Variants in PLCL1 observed in about 807,000 individuals in gnomAD.
PLCL1 encodes phospholipase C like 1 (inactive), also known as inactive phospholipase C-like protein 1.
A neutral mutation model predicts 84.4 loss-of-function variants in PLCL1; 41 were observed. The ratio of observed to expected loss-of-function variants is 0.49; its 90% CI spans 0.38 to 0.63. The LOEUF is 0.63. Ranked by LOEUF, PLCL1 falls within the 30% of genes least tolerant of loss-of-function variation. The pLI, the probability that PLCL1 is intolerant of heterozygous loss-of-function variation, is 0.00. For synonymous variants in PLCL1, 490 were observed against 488.3 expected (o/e 1.00, Z -0.05); for missense variants, 1,206 against 1,367.8 (o/e 0.88, Z 1.87).
intron 1 of PLCL1, among the ~76,000 whole-genome samples, chr2:197,850,453 G>T (rs1159610853): frequency 6.6e-6 from 1 of 152,068 alleles, no homozygotes; most frequent in Non-Finnish European, 1.5e-5. Flanking sequence ...GATAAATATG[G>T]TGTGTGTGTG....
intron 1 of PLCL1, among the ~76,000 whole-genome samples, chr2:197,908,846 T>G (rs2105744197): frequency 6.6e-6 from 1 of 152,258 alleles, no homozygotes; most frequent in Non-Finnish European, 1.5e-5. Flanking sequence ...ATAGAAAATG[T>G]GTGTAAAAAT....
intron 1 of PLCL1, among the ~76,000 whole-genome samples, chr2:197,922,771 A>T (rs865814052): frequency 1.4e-5 from 1 of 69,828 alleles, no homozygotes; most frequent in African/African-American, 5.3e-5. Flanking sequence ...CTGGCCGGGC[A>T]GGGGGCTGAC....
intron 1 of PLCL1, among the ~76,000 whole-genome samples, chr2:198,007,447 C>T (rs1010933899): frequency 9.9e-5 from 15 of 152,036 alleles, no homozygotes; most frequent in Admixed American, 8.5e-4. Flanking sequence ...TTATCAGTCT[C>T]AACAGGGACC....
rs1210050001 is a variant in PLCL1 at position 198,084,525 on chromosome 2, G to A, written c.1008G>A (p.Met336Ile). 2.6e-5 allele frequency: 42 copies of A among 1,613,922 alleles called. No individual in the cohort carries two copies. The highest frequency in any genetic ancestry group is 3.6e-5 in the Non-Finnish European group (42 of 1,179,912). ...AATATTTGGATGCCAATGATCTCAT[G>A]CTCTTTTTAGAAGCTGAGCAAGGAG... ...NKEYLDANDL[M>I]LFLEAEQGVT... The change falls in exon 2 of 6, where the codon ATG (methionine) becomes ATA (isoleucine). Residue 336 changes from methionine to isoleucine, a missense_variant. Met to Ile is a conservative substitution (Grantham distance 10). Transcript: ENST00000428675.
At chr2:197,953,144 G>C (rs996388600) in intron 1 of PLCL1, among the ~76,000 whole-genome samples, 2 of 152,052 alleles carry the variant, frequency 1.3e-5, no homozygotes, top group East Asian at 3.9e-4. Context: ...ATACAGAGAA[G>C]TTAATCAGGT....
chr2:198,115,881 G>A (rs965105941), intron 5 of PLCL1, among the ~76,000 whole-genome samples: 7 of 150,032 alleles, frequency 4.7e-5, no homozygotes, highest in Middle Eastern at 3.4e-3. Flanking sequence ...AGATTTGAGC[G>A]AGGACACAGC....
chr2:198,087,637 CT>C (rs1323662819), intron 2 of PLCL1, among the ~76,000 whole-genome samples: 1 of 143,736 alleles, frequency 7.0e-6, no homozygotes, highest in African/African-American at 2.4e-5. Context: ...AACAGGGTGA[CT>C]ATAGTTAATA....
At chr2:198,103,607 T>C (rs998549852) in intron 4 of PLCL1, among the ~76,000 whole-genome samples, 3 of 152,040 alleles carry the variant, frequency 2.0e-5, no homozygotes, top group African/African-American at 7.2e-5. Context: ...CTGGCTGTTT[T>C]AAATACAATT....
intron 5 of PLCL1, among the ~76,000 whole-genome samples, chr2:198,120,074 G>A (rs192367795): frequency 3.9e-5 from 6 of 152,094 alleles, no homozygotes; most frequent in Admixed American, 2.6e-4. Flanking sequence ...GAAGATGGGC[G>A]TTTCTGCAGT....
chr2:197,975,147 CAAAAAAAAAAAA>C (rs71015804), intron 1 of PLCL1, among the ~76,000 whole-genome samples: 1 of 19,908 alleles, frequency 5.0e-5, no homozygotes, highest in Non-Finnish European at 9.9e-5. Context: ...GACTCCATCT[CAAAAAAAAAAAA>C]AAAAAAAAAA....
intron 5 of PLCL1, among the ~76,000 whole-genome samples, chr2:198,138,281 C>T (rs774138714): frequency 2.0e-4 from 31 of 152,260 alleles, no homozygotes; most frequent in Admixed American, 5.9e-4. Context: ...GGGAAGCAAG[C>T]ACATCTTCAC....
chr2:197,946,997 G>A (rs922033755), intron 1 of PLCL1, among the ~76,000 whole-genome samples: 3 of 152,048 alleles, frequency 2.0e-5, no homozygotes, highest in African/African-American at 7.2e-5. Flanking sequence ...GCTTCTGGAG[G>A]AGAAGGGACT....
intron 1 of PLCL1, among the ~76,000 whole-genome samples, chr2:197,895,142 G>A (rs1459489664): frequency 6.6e-6 from 1 of 151,954 alleles, no homozygotes; most frequent in Non-Finnish European, 1.5e-5. Flanking sequence ...ACAAGTGCCA[G>A]ATAAAATTGT....
chr2:198,129,667 G>C (rs1694073901), intron 5 of PLCL1, among the ~76,000 whole-genome samples: 1 of 152,118 alleles, frequency 6.6e-6, no homozygotes, highest in Admixed American at 6.5e-5. Context: ...AATTTGGCTT[G>C]CTTTTTTCAT....
chr2:197,806,775 T>C (rs566086634), intron 1 of PLCL1, among the ~76,000 whole-genome samples: 1 of 152,346 alleles, frequency 6.6e-6, no homozygotes, highest in African/African-American at 2.4e-5. Flanking sequence ...CTACATGGTG[T>C]CCTGTGTGTG....
intron 5 of PLCL1, among the ~76,000 whole-genome samples, chr2:198,129,511 T>C (rs1366479542): frequency 2.0e-5 from 3 of 152,152 alleles, no homozygotes; most frequent in Non-Finnish European, 4.4e-5. Context: ...CAAACCATGA[T>C]TGATGTCTTA....
At chr2:198,058,469 A>G (rs1438887366) in intron 1 of PLCL1, among the ~76,000 whole-genome samples, 1 of 152,072 alleles carries the variant, frequency 6.6e-6, no homozygotes, top group Non-Finnish European at 1.5e-5. Flanking sequence ...ATTTTCAGGA[A>G]TAAAAAGTGC....
chr2:197,891,723 T>A (rs1688033015), intron 1 of PLCL1, among the ~76,000 whole-genome samples: 1 of 152,172 alleles, frequency 6.6e-6, no homozygotes, highest in African/African-American at 2.4e-5. Context: ...TTTGTTTTGC[T>A]GGTTATTTTT....
intron 1 of PLCL1, among the ~76,000 whole-genome samples, chr2:197,857,124 C>T (rs910437088): frequency 6.6e-6 from 1 of 151,586 alleles, no homozygotes; most frequent in Non-Finnish European, 1.5e-5. Context: ...TGCACATGTA[C>T]CCCTGAACTT....
Sources: allele counts gnomAD v4.1 joint callset (sites outside exome capture counted in the v4.1 genomes callset), GRCh38; gene constraint gnomAD v4.1.1; transcripts MANE v1.5; gene names NCBI Gene and HGNC (gene_info 2026-07-23, HGNC 2026-07-21).